TTLL4: variants seen among roughly 807,000 people sequenced by gnomAD.
TTLL4 encodes the protein tubulin monoglutamylase TTLL4.
TTLL4 carries 85 observed loss-of-function variants against 122.7 expected under a neutral mutation model. That is an observed-to-expected ratio of 0.69 (90% CI 0.58 to 0.83). The LOEUF is 0.83. TTLL4 is among the 40% of genes least tolerant of loss of function. TTLL4 has a pLI of 0.00. For synonymous variants in TTLL4, 553 were observed against 563.0 expected (o/e 0.98, Z 0.25); for missense variants, 1,363 against 1,488.6 (o/e 0.92, Z 1.39).
At chr2:218,729,767 A>AAAAAC (rs1417962589) in intron 2 of TTLL4, among the ~76,000 whole-genome samples, 1 of 90,300 alleles carries the variant, frequency 1.1e-5, no homozygotes, top group East Asian at 2.1e-4. Flanking sequence ...AAAAAACAAA[A>AAAAAC]AAAAAAAAAA....
rs553953232 is a variant in TTLL4 at position 218,735,168 on chromosome 2, A to G, written c.-98-2411A>G. 5.3e-5 allele frequency among the ~76,000 whole-genome samples: 8 copies of G among 152,308 alleles called. No homozygotes were observed. The South Asian group carries it at 1.7e-3, about 32-fold the overall frequency. Reference sequence around the variant, plus strand: ...GTTGGTGGTATTCATTCGTGGCTGTAGACAGGAATCTTAGTTCTTCCTTGG... The same window carrying G: ...GTTGGTGGTATTCATTCGTGGCTGTGGACAGGAATCTTAGTTCTTCCTTGG... On this transcript the variant is annotated intron_variant, in intron 2 of 19. Coordinates refer to ENST00000392102, the MANE Select transcript of TTLL4 (RefSeq NM_014640.5).
downstream of TTLL4, among the ~76,000 whole-genome samples, chr2:218,756,599 T>C (rs1002580185): frequency 3.3e-5 from 5 of 152,234 alleles, no homozygotes; most frequent in African/African-American, 9.6e-5. Flanking sequence ...TATATACTTT[T>C]GTATTGAATG....
intron 1 of TTLL4, among the ~76,000 whole-genome samples, chr2:218,723,860 G>A (rs564124928): frequency 6.6e-6 from 1 of 152,310 alleles, no homozygotes; most frequent in South Asian, 2.1e-4. Context: ...AATACAACTT[G>A]TGATCCTGGG....
At position 218,751,824 on chromosome 2, in the gene TTLL4, C is replaced by A. The variant is rs746109281; in HGVS notation, c.2976+18C>A. ...CTGATCAGGTAGGAGATTGGTCTTC[C>A]CCCCAGTGCTAGCAGAAAACTTCCC... is the stretch of plus-strand genomic sequence containing the variant. On this transcript the variant is annotated intron_variant, in intron 16 of 19. Transcript: ENST00000392102. The A allele has an allele frequency of 8.7e-6, 14 of 1,601,548 alleles. No individual in the cohort carries two copies. Among genetic ancestry groups the A allele is most frequent in the East Asian group, 6.7e-5 (3 of 44,502 alleles).
In TTLL4 at chr2:218,752,635, A is replaced by G. The variant is rs535345008; in HGVS notation, c.2977-128A>G. 7.4e-5 allele frequency: 69 copies of G among 931,012 alleles called. No individual in the cohort carries two copies. The African/African-American group carries it at 9.6e-4, about 13-fold the overall frequency. 57.7% of individuals were successfully genotyped at this position (931,012 alleles called of 1,614,324 possible). On this transcript the variant is annotated intron_variant, in intron 16 of 19. Transcript: ENST00000392102. ...AGAGCTGGCCCACTAGGCTGCCCTC[A>G]GTAGTTCCATGAGAGTCCCGGAGCT...
At chr2:218,730,905 A>G (rs1259398692) in intron 2 of TTLL4, among the ~76,000 whole-genome samples, 1 of 151,710 alleles carries the variant, frequency 6.6e-6, no homozygotes, top group African/African-American at 2.4e-5. Context: ...AGAGTTTGAG[A>G]CCAGCCTGGG....
intron 16 of TTLL4, 101 bp downstream of exon 16, chr2:218,751,907 T>TTC (rs1247125906): frequency 1.6e-5 from 11 of 684,712 alleles, no homozygotes; most frequent in Middle Eastern, 3.3e-4. Context: ...TTCTTTTCTT[T>TTC]TTCTTTTTTT....
intron 2 of TTLL4, among the ~76,000 whole-genome samples, chr2:218,729,652 G>C (rs1210096143): frequency 2.0e-5 from 3 of 150,230 alleles, no homozygotes; most frequent in Non-Finnish European, 4.4e-5. Context: ...TTCGTGTATT[G>C]ATTGTGTATT....
Position 218,738,707 on chromosome 2 carries a change from C to T in TTLL4, c.1031C>T (p.Thr344Ile). Residue 344 changes from threonine to isoleucine, a missense_variant, in exon 3 of 20, where the codon ACC becomes ATC. By Grantham distance (89) the Thr-to-Ile change is moderately conservative. Coordinates refer to ENST00000392102, the MANE Select transcript of TTLL4 (RefSeq NM_014640.5). ...TTCACTGAGGCCGTGAGGAAATTGA[C>T]CGCAAGAGGCTTTGAGAAGATGCCG... ...IRFTEAVRKL[T>I]ARGFEKMPRQ... 3 of 1,614,220 alleles carry T rather than the reference C, an allele frequency of 1.9e-6. No homozygotes were observed. Among genetic ancestry groups the T allele is most frequent in the Non-Finnish European group, 2.5e-6 (3 of 1,180,038 alleles).
chr2:218,738,211 A>G lies in TTLL4; in HGVS notation c.535A>G (p.Thr179Ala), dbSNP rs964899294. The stretch of plus-strand genomic sequence containing the variant: ...GGCCCAGCCCATGGCCTCCTCATCC[A>G]CAGAACCATACCTCTGCTTGGCAGC... ...SMAQPMASSS[T>A]EPYLCLAAAG... is the part of the protein sequence containing the mutation. Residue 179 changes from threonine (T) to alanine (A), a missense_variant, in exon 3 of 20, where the codon ACA becomes GCA. Thr to Ala is a moderately conservative substitution (Grantham distance 58, BLOSUM62 0). Transcript: ENST00000392102. 3 of 1,613,814 alleles carry G rather than the reference A, an allele frequency of 1.9e-6. No individual in the cohort carries two copies. In the Admixed American group the frequency reaches 5.0e-5, roughly 27 times the overall value.
At position 218,754,623 on chromosome 2, in the gene TTLL4, C is replaced by T; in HGVS notation, c.*234C>T. 2 of 610,748 alleles carry T rather than the reference C, an allele frequency of 3.3e-6. No homozygotes were observed. Among genetic ancestry groups the T allele is most frequent in the Non-Finnish European group, 5.6e-6 (2 of 356,256 alleles). The allele number at this position is 610,748 out of a possible 1,614,324, so 37.8% of individuals were successfully genotyped here. A position where few individuals can be genotyped will look rare whatever the true frequency, so the allele number is the denominator to read the frequency against. On this transcript the variant is annotated 3_prime_UTR_variant, in exon 20 of 20. Coordinates refer to ENST00000392102, the MANE Select transcript of TTLL4 (RefSeq NM_014640.5). ...CTGTCACCTGTCTGCCTGGCTGGCA[C>T]CTCATATCTCAGCAGAGAAGCCAGT...
At chr2:218,723,881 G>T (rs1942112855) in intron 1 of TTLL4, among the ~76,000 whole-genome samples, 1 of 152,166 alleles carries the variant, frequency 6.6e-6, no homozygotes, top group South Asian at 2.1e-4. Context: ...CCAGATAAAG[G>T]ACATTGATGG....
At chr2:218,715,114 A>G (rs1226737441) in intron 1 of TTLL4, among the ~76,000 whole-genome samples, 2 of 152,240 alleles carry the variant, frequency 1.3e-5, no homozygotes, top group Non-Finnish European at 2.9e-5. Context: ...TTTTAAAAAT[A>G]TTAGTGAGAA....
chr2:218,742,860 C>T (rs1047327475), intron 5 of TTLL4, among the ~76,000 whole-genome samples: 10 of 152,086 alleles, frequency 6.6e-5, no homozygotes, highest in East Asian at 3.9e-4. Context: ...CAGTAGCTCA[C>T]GCCTGTAACC....
In TTLL4 at chr2:218,737,919, C is replaced by G; in HGVS notation, c.243C>G (p.Phe81Leu). 1 of 1,614,232 alleles carries G rather than the reference C, an allele frequency of 6.2e-7. No homozygotes were observed. The highest frequency in any genetic ancestry group is 1.1e-5 in the South Asian group (1 of 91,090). ...GCGTCCCACCCCAGCCAGCATATTT[C>G]TTTTGCCCCAGCACTTTATGTAGCT... ...LLGVPPQPAY[F>L]FCPSTLCSSG... The change falls in exon 3 of 20, where the codon TTC becomes TTG. Residue 81 changes from phenylalanine (F) to leucine (L), a missense_variant. Physicochemically the swap from Phe to Leu is conservative, Grantham distance 22. Coordinates refer to ENST00000392102, the MANE Select transcript of TTLL4 (RefSeq NM_014640.5).
At position 218,740,098 on chromosome 2, in the gene TTLL4, G is replaced by A; in HGVS notation, c.1528G>A (p.Asp510Asn). The A allele has an allele frequency of 6.2e-7, 1 of 1,614,224 alleles. No homozygotes were observed. The highest frequency in any genetic ancestry group is 8.5e-7 in the Non-Finnish European group (1 of 1,180,034). ...DLQPDQAETE[D>N]TEEELVDGLE... is the part of the protein sequence containing the mutation. ...CCAGCCAGATCAGGCTGAGACTGAA[G>A]ATACAGAAGAAGAACTAGTAGATGG... The change falls in exon 4 of 20, where the codon GAT becomes AAT. Residue 510 changes from aspartate (D) to asparagine (N), a missense_variant. By Grantham distance (23) the Asp-to-Asn change is conservative. Transcript: ENST00000392102.
intron 3 of TTLL4, 69 bp downstream of exon 3, chr2:218,739,232 G>A (rs1192261385): frequency 3.1e-5 from 47 of 1,506,214 alleles, no homozygotes; most frequent in Non-Finnish European, 3.8e-5. Flanking sequence ...GGGTGGCACC[G>A]ACCCTGTACC....
At chr2:218,740,008 G>A in intron 3 of TTLL4, 50 bp from the exon 4 acceptor site, 1 of 1,535,234 alleles carries the variant, frequency 6.5e-7, no homozygotes, top group South Asian at 1.1e-5. Flanking sequence ...ATCTAACTGT[G>A]ACCTCTTTGA....
intron 1 of TTLL4, among the ~76,000 whole-genome samples, chr2:218,714,918 A>C (rs1290891989): frequency 7.4e-6 from 1 of 135,608 alleles, no homozygotes; most frequent in Non-Finnish European, 1.5e-5. Context: ...TTTTAATATT[A>C]TATTAGGAAC....
Sources: allele counts gnomAD v4.1 joint callset (sites outside exome capture counted in the v4.1 genomes callset), GRCh38; gene constraint gnomAD v4.1.1; transcripts MANE v1.5; gene names NCBI Gene and HGNC (gene_info 2026-07-23, HGNC 2026-07-21).